Variants in CNOT4 observed in about 807,000 individuals in gnomAD.
CNOT4 encodes CCR4-associated factor 4.
CNOT4 carries 8 observed loss-of-function variants against 73.8 expected under a neutral mutation model. The observed-to-expected ratio is 0.11, with a 90% CI of 0.06 to 0.20. The LOEUF is 0.20. Ranked by LOEUF, CNOT4 falls within the 10% of genes least tolerant of loss-of-function variation. The pLI is 1.00. For synonymous variants in CNOT4, 293 were observed against 321.1 expected, an observed-to-expected ratio of 0.91 and a Z score of 0.94; for missense variants, 564 against 883.4, an observed-to-expected ratio of 0.64 and a Z score of 4.58.
At chr7:135,454,910 A>G (rs1303498196) in intron 1 of CNOT4, among the ~76,000 whole-genome samples, 2 of 152,090 alleles carry the variant, frequency 1.3e-5, no homozygotes, top group South Asian at 2.1e-4. Flanking sequence ...ACAAAACAAA[A>G]CATTCTGTAA....
At chr7:135,447,958 G>A (rs1325611000) in intron 1 of CNOT4, among the ~76,000 whole-genome samples, 1 of 152,098 alleles carries the variant, frequency 6.6e-6, no homozygotes, top group African/African-American at 2.4e-5. Flanking sequence ...AGCTGGGTGT[G>A]GTCAGAAAAA....
intron 1 of CNOT4, among the ~76,000 whole-genome samples, chr7:135,446,436 CAAT>C (rs1380595605): frequency 1.3e-5 from 2 of 151,836 alleles, no homozygotes; most frequent in Non-Finnish European, 2.9e-5. Context: ...TATTTTGCCA[CAAT>C]AAAAAAGTCA....
intron 10 of CNOT4, among the ~76,000 whole-genome samples, chr7:135,366,932 G>C (rs534668570): frequency 1.3e-4 from 20 of 152,240 alleles, no homozygotes; most frequent in African/African-American, 4.6e-4. Context: ...ACCCAAATTT[G>C]TCTTGGCTGC....
At position 135,363,621 on chromosome 7, in the gene CNOT4, C is replaced by T. The variant is rs1306042827; in HGVS notation, c.1840+233G>A. On this transcript the variant is annotated intron_variant, in intron 11 of 11. Coordinates refer to ENST00000541284, the MANE Select transcript of CNOT4 (RefSeq NM_001190850.2). This position sits in a 1 kb window ranked among gnomAD's most constrained non-coding sequence, Gnocchi z 4.3. ...AAATACACATGTTGCCAGATGTTAACACCTACTTAAACCAGAAGAAGCAAC... is the reference window on the plus strand; with the variant it reads ...AAATACACATGTTGCCAGATGTTAATACCTACTTAAACCAGAAGAAGCAAC... 6.6e-6 allele frequency among the ~76,000 whole-genome samples: 1 copy of T among 152,166 alleles called. No homozygotes were observed. The highest frequency in any genetic ancestry group is 2.4e-5 in the African/African-American group (1 of 41,438).
intron 10 of CNOT4, among the ~76,000 whole-genome samples, chr7:135,378,113 T>A (rs1795619337): frequency 6.6e-6 from 1 of 152,176 alleles, no homozygotes; most frequent in Admixed American, 6.5e-5. Context: ...ATGTCAAAAA[T>A]CTTTATTGAT....
intron 2 of CNOT4, among the ~76,000 whole-genome samples, 179 bp from the exon 3 acceptor site, chr7:135,422,532 G>A (rs942625240): frequency 3.9e-5 from 6 of 152,026 alleles, no homozygotes; most frequent in African/African-American, 1.4e-4. Context: ...AAATAAAATA[G>A]TTCTAATAAA....
At chr7:135,429,486 A>G (rs1387135486) in intron 2 of CNOT4, among the ~76,000 whole-genome samples, 1 of 152,150 alleles carries the variant, frequency 6.6e-6, no homozygotes, top group Non-Finnish European at 1.5e-5. Flanking sequence ...ATACATCCAT[A>G]TTGCTACTTC....
chr7:135,380,125 A>G (rs867768551), intron 10 of CNOT4, among the ~76,000 whole-genome samples: 37 of 147,184 alleles, frequency 2.5e-4, no homozygotes, highest in East Asian at 1.8e-3. Context: ...TTGATTGGGG[A>G]AAAAAAAAAA....
At chr7:135,448,428 C>T (rs1799959640) in intron 1 of CNOT4, among the ~76,000 whole-genome samples, 1 of 151,614 alleles carries the variant, frequency 6.6e-6, no homozygotes, top group African/African-American at 2.4e-5. Context: ...CCTGTAATCC[C>T]AGCTACTAGG....
At chr7:135,430,547 A>C (rs915864578) in intron 2 of CNOT4, among the ~76,000 whole-genome samples, 9 of 152,144 alleles carry the variant, frequency 5.9e-5, no homozygotes, top group African/African-American at 2.2e-4. Context: ...TGGTAGGCTG[A>C]AGCAGGAGAA....
intron 10 of CNOT4, among the ~76,000 whole-genome samples, chr7:135,379,557 T>TG (rs1304952646): frequency 2.0e-5 from 3 of 152,178 alleles, no homozygotes; most frequent in Non-Finnish European, 2.9e-5. Context: ...GTAGGGTATG[T>TG]GTGTGCCTAT....
At chr7:135,372,443 T>C (rs1490090181) in intron 10 of CNOT4, among the ~76,000 whole-genome samples, 2 of 152,196 alleles carry the variant, frequency 1.3e-5, no homozygotes, top group African/African-American at 4.8e-5. Context: ...TGAGCTCCTC[T>C]AGGAAAAGGA....
At chr7:135,504,357 G>A (rs1011160458) in intron 1 of CNOT4, among the ~76,000 whole-genome samples, 15 of 148,702 alleles carry the variant, frequency 1.0e-4, no homozygotes, top group South Asian at 2.1e-4. Flanking sequence ...GTGCAATGGC[G>A]CAATCTCAGA....
intron 1 of CNOT4, among the ~76,000 whole-genome samples, chr7:135,443,778 A>G (rs993918230): frequency 2.0e-5 from 3 of 152,200 alleles, no homozygotes; most frequent in African/African-American, 7.2e-5. Flanking sequence ...ATTATGTTTG[A>G]AAGTGTCTTA....
intron 1 of CNOT4, among the ~76,000 whole-genome samples, chr7:135,472,560 A>ATATATATATATATATATAT (rs1801705668): frequency 1.2e-5 from 1 of 81,566 alleles, no homozygotes; most frequent in Non-Finnish European, 2.3e-5. Flanking sequence ...TATATATATA[A>ATATATATATATATATATAT]AGTGATCCTC....
chr7:135,420,675 T>G (rs951051055), intron 3 of CNOT4, among the ~76,000 whole-genome samples: 1 of 150,214 alleles, frequency 6.7e-6, no homozygotes, highest in Non-Finnish European at 1.5e-5. Context: ...TATATAGAAG[T>G]GCCCTGTGGT....
intron 2 of CNOT4, 22 bp from the exon 3 acceptor site, chr7:135,422,375 A>T: frequency 9.2e-7 from 1 of 1,092,682 alleles, no homozygotes; most frequent in Non-Finnish European, 1.4e-6. Context: ...AAACAAACAT[A>T]GACGTTAGCA....
chr7:135,372,588 G>A (rs966449075), intron 10 of CNOT4, among the ~76,000 whole-genome samples: 16 of 139,424 alleles, frequency 1.1e-4, no homozygotes, highest in African/African-American at 4.1e-4. Flanking sequence ...ACGGAGTCTC[G>A]CTGCGTCGCT....
At chr7:135,375,242 A>T (rs1465357994) in intron 10 of CNOT4, among the ~76,000 whole-genome samples, 2 of 152,228 alleles carry the variant, frequency 1.3e-5, no homozygotes, top group South Asian at 4.1e-4. Flanking sequence ...AAGAGAATTA[A>T]ACTGAGAGAG....
Sources: allele counts gnomAD v4.1 joint callset (sites outside exome capture counted in the v4.1 genomes callset), GRCh38; gene constraint gnomAD v4.1.1; non-coding constraint Gnocchi (gnomAD v3.1); transcripts MANE v1.5; gene names NCBI Gene and HGNC (gene_info 2026-07-23, HGNC 2026-07-21).